The following BCLAF3 variants were observed in gnomAD, a reference collection of about 807,000 sequenced individuals.
BCLAF3 encodes the protein transient octamer binding factor 1.
In BCLAF3, 24 loss-of-function variants were observed where a neutral mutation model predicts 51.2. That is an observed-to-expected ratio of 0.47 (90% CI 0.34 to 0.66). BCLAF3 has a LOEUF of 0.66. BCLAF3 is among the 30% of genes least tolerant of loss of function. The probability of loss-of-function intolerance (pLI) is 0.01; values close to 1 mark genes in which losing one functional copy is unlikely to be tolerated. For missense variants in BCLAF3, 465 were observed against 525.1 expected (o/e 0.89, Z 1.12); for synonymous variants, 152 against 176.6 (o/e 0.86, Z 1.10).
intron 8 of BCLAF3, among the ~76,000 whole-genome samples, chrX:19,939,416 C>A (rs1232540091): frequency 1.8e-5 from 2 of 111,695 alleles, no homozygotes; most frequent in African/African-American, 3.3e-5. Context: ...AACTCCTACA[C>A]CTCAACAACA....
intron 11 of BCLAF3, among the ~76,000 whole-genome samples, chrX:19,921,334 T>C (rs1048959813): frequency 1.8e-5 from 2 of 112,173 alleles, no homozygotes; most frequent in African/African-American, 6.5e-5. Context: ...ATGCAGAATA[T>C]AGTAAAAGCA....
chrX:19,947,486 G>A (rs1243198984), intron 8 of BCLAF3, among the ~76,000 whole-genome samples: 2 of 110,768 alleles, frequency 1.8e-5, no homozygotes, highest in Non-Finnish European at 3.8e-5. Context: ...AATCCAGACC[G>A]TCCCCAACTT....
intron 4 of BCLAF3, among the ~76,000 whole-genome samples, chrX:19,960,650 G>A (rs1415556892): frequency 9.0e-6 from 1 of 111,524 alleles, no homozygotes; most frequent in Non-Finnish European, 1.9e-5. Context: ...TGCCTCCAGC[G>A]GAACAGTGTC....
At chrX:19,984,072 CAAAAAAAAAAAA>C (rs1168246147) in intron 1 of BCLAF3, among the ~76,000 whole-genome samples, 36 of 15,432 alleles carry the variant, frequency 2.3e-3, no homozygotes, top group Admixed American at 0.023. Flanking sequence ...GACTCCATCT[CAAAAAAAAAAAA>C]AAAAAAAAAA....
At chrX:19,976,742 G>A (rs2072437689) in intron 1 of BCLAF3, among the ~76,000 whole-genome samples, 1 of 111,689 alleles carries the variant, frequency 9.0e-6, no homozygotes, top group Non-Finnish European at 1.9e-5. Flanking sequence ...AAACCATGAA[G>A]CAAAAGGAAA....
At chrX:19,959,646 C>A (rs1160664640) in intron 4 of BCLAF3, among the ~76,000 whole-genome samples, 1 of 108,339 alleles carries the variant, frequency 9.2e-6, no homozygotes, top group Non-Finnish European at 1.9e-5. Context: ...GGCATGGTGG[C>A]GTGTGCCTAT....
intron 4 of BCLAF3, among the ~76,000 whole-genome samples, chrX:19,955,891 T>A (rs2071644748): frequency 1.8e-5 from 2 of 112,009 alleles, no homozygotes; most frequent in Non-Finnish European, 3.8e-5. Context: ...TCGATTAGAT[T>A]ATTTTCTACT....
intron 1 of BCLAF3, among the ~76,000 whole-genome samples, chrX:19,984,786 A>G (rs2072742218): frequency 9.0e-6 from 1 of 110,600 alleles, no homozygotes; most frequent in Non-Finnish European, 1.9e-5. Context: ...CCCAGGTTCA[A>G]GTGATTCTCC....
Position 19,955,426 on chromosome X carries a change from G to A in BCLAF3, c.1415C>T (p.Ala472Val). The A allele has an allele frequency of 8.3e-7, 1 of 1,198,630 alleles. No homozygotes were observed. The change falls in exon 5 of 12, where the codon GCT becomes GTT. Residue 472 changes from alanine to valine, a missense_variant. Ala to Val is a moderately conservative substitution (Grantham distance 64). Coordinates refer to ENST00000379682, the MANE Select transcript of BCLAF3 (RefSeq NM_001367774.2). Reference sequence around the variant, plus strand: ...ATGGATTATTGTTATGATTTCCTGAGCAAATTCTCCTGTAGGTTTGTTTTC... The same window carrying A: ...ATGGATTATTGTTATGATTTCCTGAACAAATTCTCCTGTAGGTTTGTTTTC... The part of the protein sequence containing the change: ...NTENKPTGEF[A>V]QEIITIIHQV...
chrX:19,935,906 A>G lies in BCLAF3; in HGVS notation c.1861-8T>C. 1.7e-6 allele frequency: 2 copies of G among 1,177,568 alleles called. No homozygotes were observed. The highest frequency in any genetic ancestry group is 2.3e-6 in the Non-Finnish European group (2 of 865,649). ...TCTCTGCGTAGTATAATTCTGCACG[A>G]AAAAAAGTAGTAGTGTGGGTTAACA... On this transcript the variant is annotated splice_polypyrimidine_tract_variant and splice_region_variant and intron_variant, in intron 9 of 11. Coordinates refer to ENST00000379682, the MANE Select transcript of BCLAF3 (RefSeq NM_001367774.2).
chrX:19,982,959 T>A (rs1192077802), intron 1 of BCLAF3, among the ~76,000 whole-genome samples: 1 of 48,050 alleles, frequency 2.1e-5, no homozygotes, highest in African/African-American at 5.0e-4. Flanking sequence ...TTTTTTTTTC[T>A]TTTTTTTTTT....
At position 19,916,557 on chromosome X, in the gene BCLAF3, C is replaced by CA. The variant is rs1310329047; in HGVS notation, c.*747_*748insT. Reference sequence around the variant, plus strand: ...TTTGTTTGTCAGATTTTTAAAAAGCCTTTAAAAATATGATATGCACAAGCT... The same window carrying CA: ...TTTGTTTGTCAGATTTTTAAAAAGCCATTTAAAAATATGATATGCACAAGCT... On this transcript the variant is annotated 3_prime_UTR_variant, in exon 12 of 12. Transcript: ENST00000379682. 8.9e-6 allele frequency: 1 copy of CA among 111,975 alleles called. No homozygotes were observed. Among genetic ancestry groups the CA allele is most frequent in the African/African-American group, 3.3e-5 (1 of 30,764 alleles). The allele number at this position is 111,975 out of a possible 1,213,427, so 9.2% of individuals were successfully genotyped here. A position where few individuals can be genotyped will look rare whatever the true frequency, so the allele number is the denominator to read the frequency against.
chrX:19,975,242 TAA>T (rs761028494), intron 1 of BCLAF3, among the ~76,000 whole-genome samples: 1,454 of 101,504 alleles, frequency 0.014, 28 homozygotes, highest in African/African-American at 0.048. Context: ...AAAGTGTTGT[TAA>T]AAAAAAAAAA....
chrX:19,965,046 G>C lies in BCLAF3; in HGVS notation c.1272C>G (p.Phe424Leu). ...KVDVKKTVDTFRVASSYSTER... is the reference protein window; with the variant it reads ...KVDVKKTVDTLRVASSYSTER... ...TAAAGAAAAAACAAAGATAATACCT[G>C]AATGTATCTACTGTTTTCTTCACAT... Residue 424 changes from phenylalanine to leucine, a missense_variant and splice_region_variant, in exon 4 of 12, where the codon TTC (phenylalanine) becomes TTG (leucine). Transcript: ENST00000379682. The C allele has an allele frequency of 8.8e-7, 1 of 1,137,094 alleles. No individual in the cohort carries two copies. Among genetic ancestry groups the C allele is most frequent in the South Asian group, 2.1e-5 (1 of 47,657 alleles). 93.7% of individuals were successfully genotyped at this position (1,137,094 alleles called of 1,213,427 possible). A position where few individuals can be genotyped will look rare whatever the true frequency, so the allele number is the denominator to read the frequency against.
At chrX:19,965,747 A>C in intron 3 of BCLAF3, 41 bp from the exon 4 acceptor site, 1 of 1,077,549 alleles carries the variant, frequency 9.3e-7, no homozygotes, top group South Asian at 2.6e-5. Context: ...AATAGAGAGA[A>C]GAAAGGGAGA....
intron 1 of BCLAF3, among the ~76,000 whole-genome samples, chrX:19,972,676 G>A (rs184640814): frequency 9.9e-5 from 11 of 111,473 alleles, no homozygotes; most frequent in East Asian, 2.8e-4. Flanking sequence ...TGCTTAGCCC[G>A]TTTCTATGGA....
At chrX:19,978,387 G>A (rs775339455) in intron 1 of BCLAF3, among the ~76,000 whole-genome samples, 15 of 111,610 alleles carry the variant, frequency 1.3e-4, no homozygotes, top group East Asian at 2.8e-4. Context: ...CAACTCTCAC[G>A]GATGATTTTG....
chrX:19,980,020 C>CA (rs896520439), intron 1 of BCLAF3, among the ~76,000 whole-genome samples: 5 of 111,572 alleles, frequency 4.5e-5, no homozygotes, highest in Non-Finnish European at 7.5e-5. Context: ...CATATAATTG[C>CA]AGTCCCTGAA....
intron 8 of BCLAF3, among the ~76,000 whole-genome samples, chrX:19,940,878 G>A (rs1475453574): frequency 9.0e-6 from 1 of 111,325 alleles, no homozygotes; most frequent in Non-Finnish European, 1.9e-5. Flanking sequence ...CTAGTTTACA[G>A]TCCCACCAAC....
Sources: allele counts gnomAD v4.1 joint callset (sites outside exome capture counted in the v4.1 genomes callset), GRCh38; gene constraint gnomAD v4.1.1; transcripts MANE v1.5; gene names NCBI Gene and HGNC (gene_info 2026-07-23, HGNC 2026-07-21).